The following GBF1 variants were observed in gnomAD, a reference collection of about 807,000 sequenced individuals.
GBF1 encodes golgi brefeldin A resistant guanine nucleotide exchange factor 1.
Under a neutral mutation model 210.5 loss-of-function variants are expected in GBF1, and 114 were observed. That is an observed-to-expected ratio of 0.54 (90% confidence interval 0.47 to 0.63). The LOEUF is 0.63. Ranked by LOEUF, GBF1 falls within the 30% of genes least tolerant of loss-of-function variation. GBF1 has a pLI of 0.00. For synonymous variants in GBF1, 850 were observed against 889.2 expected (o/e 0.96, Z 0.78); for missense variants, 1,851 against 2,357.7 (o/e 0.79, Z 4.45).
chr10:102,280,080 C>T (rs2133435918), intron 3 of GBF1, among the ~76,000 whole-genome samples: 1 of 151,708 alleles, frequency 6.6e-6, no homozygotes, highest in South Asian at 2.1e-4. Flanking sequence ...GTAATAATGG[C>T]ACCACTGCAC....
At chr10:102,317,075 C>CT (rs2078995753) in intron 3 of GBF1, among the ~76,000 whole-genome samples, 1 of 152,120 alleles carries the variant, frequency 6.6e-6, no homozygotes, top group African/African-American at 2.4e-5. Context: ...TCTTCAGACT[C>CT]TGTGATTTAG....
intron 38 of GBF1, 72 bp from the exon 39 acceptor site, chr10:102,381,055 G>C (rs2060813394): frequency 6.8e-7 from 1 of 1,476,894 alleles, no homozygotes; most frequent in Admixed American, 1.9e-5. Context: ...TAGAAAGGCT[G>C]TTGGGTAGCT....
At chr10:102,297,057 G>A (rs201017193) in intron 3 of GBF1, among the ~76,000 whole-genome samples, 58 of 149,744 alleles carry the variant, frequency 3.9e-4, no homozygotes, top group Admixed American at 5.3e-4. Context: ...AAAAAAAAAG[G>A]AAAAAAAAGG....
chr10:102,232,204 G>T, the GBF1 span: 2 of 683,254 alleles, frequency 2.9e-6, no homozygotes, highest in Admixed American at 2.1e-5. Context: ...AACCCCAGCC[G>T]TAAAGCTGGG....
In GBF1 at chr10:102,360,180, C is replaced by G; in HGVS notation, c.1181-4C>G. On this transcript the variant is annotated splice_polypyrimidine_tract_variant and splice_region_variant and intron_variant, in intron 11 of 39. Coordinates refer to ENST00000369983, the MANE Select transcript of GBF1 (RefSeq NM_001377137.1). ...AGTCTCACTCTCCTCCTGGCCTTCC[C>G]CAGGCACAGCTTTGGTCCCCTATGG... 1 of 1,603,986 alleles carries G rather than the reference C, an allele frequency of 6.2e-7. No homozygotes were observed. The highest frequency in any genetic ancestry group is 8.5e-7 in the Non-Finnish European group (1 of 1,170,764).
chr10:102,296,999 C>T (rs921719330), intron 3 of GBF1, among the ~76,000 whole-genome samples: 3 of 150,652 alleles, frequency 2.0e-5, no homozygotes, highest in Non-Finnish European at 2.9e-5. Flanking sequence ...GAGCCTACGT[C>T]GCACTACTGT....
At chr10:102,347,180 G>A (rs2058633273) in intron 4 of GBF1, among the ~76,000 whole-genome samples, 3 of 152,150 alleles carry the variant, frequency 2.0e-5, no homozygotes, top group Admixed American at 2.0e-4. Flanking sequence ...TAAGGCTCAG[G>A]CTTTAGCTAG....
At chr10:102,351,547 A>T (rs1264964878) in intron 5 of GBF1, among the ~76,000 whole-genome samples, 173 bp downstream of exon 5, 1 of 152,172 alleles carries the variant, frequency 6.6e-6, no homozygotes, top group Non-Finnish European at 1.5e-5. Context: ...TTCTAAGGAA[A>T]ATCAGTAAAA....
intron 3 of GBF1, among the ~76,000 whole-genome samples, chr10:102,309,052 C>T (rs2078182653): frequency 6.6e-6 from 1 of 152,120 alleles, no homozygotes; most frequent in Admixed American, 6.5e-5. Flanking sequence ...CCTAATAGTG[C>T]TCTGTGTCTT....
chr10:102,331,332 A>G (rs1224715268), intron 3 of GBF1, among the ~76,000 whole-genome samples: 1 of 152,198 alleles, frequency 6.6e-6, no homozygotes, highest in African/African-American at 2.4e-5. Flanking sequence ...ATGATGCTCC[A>G]TAAAGTACTT....
At chr10:102,252,486 A>G (rs2071687847) in intron 1 of GBF1, among the ~76,000 whole-genome samples, 1 of 152,178 alleles carries the variant, frequency 6.6e-6, no homozygotes, top group Non-Finnish European at 1.5e-5. Context: ...GTGAGAAAAA[A>G]CATTCAGAAT....
At chr10:102,252,287 G>T (rs1419609097) in intron 1 of GBF1, among the ~76,000 whole-genome samples, 1 of 151,204 alleles carries the variant, frequency 6.6e-6, no homozygotes, top group Non-Finnish European at 1.5e-5. Context: ...ACGGTGAGCC[G>T]AGATTGTGCC....
chr10:102,259,703 A>G (rs2072941901), intron 2 of GBF1, among the ~76,000 whole-genome samples: 1 of 152,204 alleles, frequency 6.6e-6, no homozygotes, highest in Non-Finnish European at 1.5e-5. Context: ...GGCATCAGGA[A>G]TATCTTTGAA....
intron 3 of GBF1, among the ~76,000 whole-genome samples, chr10:102,264,154 G>C (rs1010884478): frequency 6.6e-6 from 1 of 152,204 alleles, no homozygotes; most frequent in Non-Finnish European, 1.5e-5. Flanking sequence ...TTTATAGTAT[G>C]TGAATCATAT....
intron 33 of GBF1, 112 bp from the exon 34 acceptor site, chr10:102,379,172 G>C: frequency 1.0e-6 from 1 of 959,778 alleles, no homozygotes; most frequent in Non-Finnish European, 1.6e-6. Flanking sequence ...GGTATGGCAT[G>C]ATTGGTGCTA....
chr10:102,363,467 A>G lies in GBF1; in HGVS notation c.2017+71A>G. 4 of 1,421,532 alleles carry G rather than the reference A, an allele frequency of 2.8e-6. No homozygotes were observed. The highest frequency in any genetic ancestry group is 3.9e-6 in the Non-Finnish European group (4 of 1,025,754). 88.1% of individuals were successfully genotyped at this position (1,421,532 alleles called of 1,614,324 possible). On this transcript the variant is annotated intron_variant, in intron 16 of 39. Transcript: ENST00000369983. The surrounding 1 kb of genome is among the most constrained non-coding windows in gnomAD (Gnocchi z 4.2). ...CTGGTGAAGAGCAGAGGGAGGGAGC[A>G]GACACCTAGGATAGTAACTAAGCAA...
chr10:102,362,710 T>C (rs761464147), intron 15 of GBF1, 46 bp downstream of exon 15: 61 of 1,454,200 alleles, frequency 4.2e-5, no homozygotes, highest in Admixed American at 1.7e-4. Context: ...TCTATGCTTA[T>C]CCCTTCTCTA....
At chr10:102,288,907 C>A (rs999950680) in intron 3 of GBF1, among the ~76,000 whole-genome samples, 1 of 151,928 alleles carries the variant, frequency 6.6e-6, no homozygotes, top group Admixed American at 6.6e-5. Flanking sequence ...TTGAGACCAG[C>A]CTGGCTAACA....
At chr10:102,307,986 A>G (rs2078063128) in intron 3 of GBF1, among the ~76,000 whole-genome samples, 1 of 152,162 alleles carries the variant, frequency 6.6e-6, no homozygotes, top group African/African-American at 2.4e-5. Context: ...AGCAAAAATG[A>G]AAAAGATACA....
Sources: gnomAD v4.1 joint callset for allele counts (sites outside exome capture counted in the v4.1 genomes callset) on GRCh38, gnomAD v4.1.1 for gene constraint, Gnocchi (gnomAD v3.1) non-coding constraint, MANE v1.5 for transcripts, NCBI Gene and HGNC (gene_info 2026-07-23, HGNC 2026-07-21) for gene names.